BAZ1B: variants seen among roughly 807,000 people sequenced by gnomAD.
BAZ1B encodes the protein bromodomain adjacent to zinc finger domain 1B, also known as tyrosine-protein kinase BAZ1B.
In BAZ1B, 22 loss-of-function variants were observed where a neutral mutation model predicts 153.8. The observed-to-expected ratio is 0.14, with a 90% CI of 0.10 to 0.20. BAZ1B has a LOEUF of 0.20. BAZ1B is among the 10% of genes least tolerant of loss of function. The pLI, the probability that BAZ1B is intolerant of heterozygous loss-of-function variation, is 1.00. For synonymous variants in BAZ1B, 676 were observed against 633.4 expected (o/e 1.07, Z -1.01); for missense variants, 1,325 against 1,799.3 (o/e 0.74, Z 4.77).
chr7:73,455,048 A>G (rs561402091), intron 13 of BAZ1B, among the ~76,000 whole-genome samples: 231 of 147,992 alleles, frequency 1.6e-3, no homozygotes, highest in Admixed American at 2.2e-3. Flanking sequence ...GTGTGTGTGC[A>G]TTTTTTCTTT....
rs1554580387 is a variant in BAZ1B, at chr7:73,522,196, G to A, written c.-263C>T. ...CCGACCTCCGCTTCGGGTCCCGGCG[G>A]CCGGCAGTCACGACTCCTCCTCAGC... On this transcript the variant is annotated 5_prime_UTR_variant, in exon 1 of 20. Transcript: ENST00000339594. 4 of 392,448 alleles carry A rather than the reference G, an allele frequency of 1.0e-5. No individual in the cohort carries two copies. Among genetic ancestry groups the A allele is most frequent in the East Asian group, 3.6e-5 (1 of 27,628 alleles). 24.3% of individuals were successfully genotyped at this position (392,448 alleles called of 1,614,324 possible). A position where few individuals can be genotyped will look rare whatever the true frequency, so the allele number is the denominator to read the frequency against.
At chr7:73,465,669 T>C in intron 10 of BAZ1B, 132 bp from the exon 11 acceptor site, 1 of 524,704 alleles carries the variant, frequency 1.9e-6, no homozygotes, top group African/African-American at 1.9e-5. Flanking sequence ...CAATCTACTA[T>C]CTAGAAGTAG....
chr7:73,503,616 C>A (rs1554577430), intron 3 of BAZ1B, among the ~76,000 whole-genome samples: 2 of 152,170 alleles, frequency 1.3e-5, no homozygotes, highest in Non-Finnish European at 2.9e-5. Context: ...TTCAAGCCAA[C>A]CTCCCGCCTC....
At chr7:73,510,468 G>GT (rs1790536232) in intron 2 of BAZ1B, among the ~76,000 whole-genome samples, 1 of 152,082 alleles carries the variant, frequency 6.6e-6, no homozygotes, top group South Asian at 2.1e-4. Context: ...CATTACCAGA[G>GT]TACTTACAAG....
intron 3 of BAZ1B, among the ~76,000 whole-genome samples, chr7:73,506,536 C>T (rs1554577780): frequency 2.7e-5 from 4 of 146,632 alleles, no homozygotes; most frequent in Admixed American, 1.4e-4. Context: ...AAGTCCAACT[C>T]TCATTACAGC....
chr7:73,455,160 C>T (rs1788150279), intron 13 of BAZ1B, among the ~76,000 whole-genome samples: 1 of 152,040 alleles, frequency 6.6e-6, no homozygotes, highest in African/African-American at 2.4e-5. Context: ...GCTGGGATTA[C>T]AGGCGTGAGC....
rs1352750738 is a variant in BAZ1B at position 73,498,543 on chromosome 7, C to T, written c.525G>A (p.Lys175=). ...CATCCTCTTTCACAACTGTCTCCTT[C>T]TTCTGATGGTCCTGAGCAATCTGAC... The part of the protein sequence containing the change: ...NSSQIAQDHQ[K]KETVVKEDEG... Residue 175 remains lysine, a synonymous_variant, in exon 4 of 20, where the codon AAG becomes AAA. Transcript: ENST00000339594. The T allele has an allele frequency of 6.2e-7, 1 of 1,614,138 alleles. No homozygotes were observed. Among genetic ancestry groups the T allele is most frequent in the African/African-American group, 1.3e-5 (1 of 75,056 alleles).
chr7:73,447,212 T>C, intron 16 of BAZ1B, 52 bp downstream of exon 16: 2 of 1,612,206 alleles, frequency 1.2e-6, no homozygotes, highest in Non-Finnish European at 1.7e-6. Flanking sequence ...TTCCAAGCGT[T>C]CCAAGCTTAG....
intron 9 of BAZ1B, among the ~76,000 whole-genome samples, chr7:73,468,128 T>G (rs1178065229): frequency 6.6e-6 from 1 of 152,222 alleles, no homozygotes; most frequent in African/African-American, 2.4e-5. Context: ...AACCTAGTAC[T>G]CAGGAAGCAA....
At chr7:73,468,307 T>C (rs1788670063) in intron 9 of BAZ1B, among the ~76,000 whole-genome samples, 1 of 152,072 alleles carries the variant, frequency 6.6e-6, no homozygotes, top group Non-Finnish European at 1.5e-5. Context: ...ACATACTTGG[T>C]TTTCACTGCT....
intron 7 of BAZ1B, among the ~76,000 whole-genome samples, chr7:73,472,379 C>T (rs1301583331): frequency 1.3e-5 from 2 of 152,006 alleles, no homozygotes; most frequent in East Asian, 1.9e-4. Flanking sequence ...CTGCCTCAGT[C>T]TACCGAGTAG....
chr7:73,506,453 C>T (rs1412734805), intron 3 of BAZ1B, among the ~76,000 whole-genome samples: 1 of 150,262 alleles, frequency 6.7e-6, no homozygotes, highest in Admixed American at 6.7e-5. Context: ...GAGCTGAGAT[C>T]ATGCCACTGC....
chr7:73,493,741 C>T (rs1789751128), intron 4 of BAZ1B, among the ~76,000 whole-genome samples: 1 of 150,490 alleles, frequency 6.6e-6, no homozygotes, highest in South Asian at 2.1e-4. Flanking sequence ...ACTTGGGCGG[C>T]TAGGGTAGGA....
In BAZ1B at chr7:73,478,188, T is replaced by G; in HGVS notation, c.1273A>C (p.Lys425Gln). 1.2e-6 allele frequency: 2 copies of G among 1,614,128 alleles called. No homozygotes were observed. The highest frequency in any genetic ancestry group is 1.7e-6 in the Non-Finnish European group (2 of 1,180,022). Residue 425 changes from lysine to glutamine, a missense_variant, in exon 7 of 20, where the codon AAA becomes CAA. Lys to Gln is a moderately conservative substitution (Grantham distance 53). Transcript: ENST00000339594. ...GTTTTAGGAGTCTTCAGTCCTTTTT[T>G]GGGAGATTTGGAATTCCCTGTGGAT... ...QKSTGNSKSP[K>Q]KGLKTPKTKM...
chr7:73,448,854 G>C (rs1340496957), intron 15 of BAZ1B, among the ~76,000 whole-genome samples: 3 of 152,216 alleles, frequency 2.0e-5, no homozygotes, highest in African/African-American at 7.2e-5. Flanking sequence ...GGGAAGACTA[G>C]AAGTTTGTGA....
In BAZ1B at chr7:73,442,610, ACT is replaced by A. The variant is rs1397694949; in HGVS notation, c.4095-59_4095-58del. Reference sequence around the variant, plus strand: ...CAGCCTTGACGGCAGTGCCCCTGCCACTGAGACACGTCCTGAAAAGCAAGGGC... The same window carrying A: ...CAGCCTTGACGGCAGTGCCCCTGCCAGAGACACGTCCTGAAAAGCAAGGGC... On this transcript the variant is annotated intron_variant, in intron 18 of 19. Coordinates refer to ENST00000339594, the MANE Select transcript of BAZ1B (RefSeq NM_032408.4). 6 of 1,560,208 alleles carry A rather than the reference ACT, an allele frequency of 3.8e-6. No homozygotes were observed. In the African/African-American group the frequency reaches 6.8e-5, roughly 18 times the overall value.
intron 6 of BAZ1B, among the ~76,000 whole-genome samples, chr7:73,482,117 G>A (rs1422019650): frequency 6.6e-6 from 1 of 152,314 alleles, no homozygotes; most frequent in East Asian, 1.9e-4. Flanking sequence ...AGAATGGGCT[G>A]ACAAAGAGGC....
chr7:73,506,207 A>C (rs1554577720), intron 3 of BAZ1B, among the ~76,000 whole-genome samples: 2 of 152,176 alleles, frequency 1.3e-5, no homozygotes, highest in Non-Finnish European at 2.9e-5. Flanking sequence ...GATAATTAAA[A>C]AACAAATAAG....
At chr7:73,442,158 T>TTCC in intron 19 of BAZ1B, 23 bp downstream of exon 19, 9 of 456,494 alleles carry the variant, frequency 2.0e-5, no homozygotes, top group South Asian at 3.6e-5. Flanking sequence ...TCCCTAGCTG[T>TTCC]CCCCCCACCT....
Sources: gnomAD v4.1 joint callset for allele counts (sites outside exome capture counted in the v4.1 genomes callset) on GRCh38, gnomAD v4.1.1 for gene constraint, MANE v1.5 for transcripts, NCBI Gene and HGNC (gene_info 2026-07-23, HGNC 2026-07-21) for gene names.